SYDE2: variants seen among roughly 807,000 people sequenced by gnomAD.
SYDE2 encodes synapse defective Rho GTPase homolog 2.
In SYDE2, 76 loss-of-function variants were observed where a neutral mutation model predicts 91.5. The observed-to-expected ratio is 0.83, with a 90% CI of 0.69 to 1.01. The LOEUF (loss-of-function observed/expected upper bound fraction) is 1.01. SYDE2 is among the 50% of genes least tolerant of loss of function. The probability of loss-of-function intolerance (pLI) is 0.00; values close to 1 mark genes in which losing one functional copy is unlikely to be tolerated. For synonymous variants in SYDE2, 513 were observed against 506.4 expected, an observed-to-expected ratio of 1.01 and a Z score of -0.18; for missense variants, 1,364 against 1,367.7, an observed-to-expected ratio of 1.00 and a Z score of 0.04.
In SYDE2 at chr1:85,182,667, C is replaced by A. The variant is rs759312339; in HGVS notation, c.1975G>T (p.Asp659Tyr). The change falls in exon 3 of 7, where the codon GAC becomes TAC. Residue 659 changes from aspartate (D) to tyrosine (Y), a missense_variant. By Grantham distance (160) the Asp-to-Tyr change is radical. Transcript: ENST00000341460. ...CTATAATGCCTAAAAGCATCAATGT[C>A]TATTTCATTCTTGCTACAACTATTT... ...ISNSCSKNEIDIDAFRHYSFS... is the reference protein window; with the variant it reads ...ISNSCSKNEIYIDAFRHYSFS... The A allele has an allele frequency of 3.1e-6, 5 of 1,613,632 alleles. No homozygotes were observed. The highest frequency in any genetic ancestry group is 2.2e-5 in the South Asian group (2 of 91,084).
chr1:85,163,480 T>TATATATATATATATAA (rs1216698478), intron 6 of SYDE2, among the ~76,000 whole-genome samples: 29 of 134,634 alleles, frequency 2.2e-4, no homozygotes, highest in African/African-American at 8.6e-4. Flanking sequence ...TATATATATA[T>TATATATATATATATAA]AACAAAAGAG....
At chr1:85,162,006 T>C (rs777327805) in intron 6 of SYDE2, among the ~76,000 whole-genome samples, 18 of 152,152 alleles carry the variant, frequency 1.2e-4, no homozygotes, top group African/African-American at 2.2e-4. Context: ...CAAAGAACCC[T>C]AGAGCTTAGT....
At chr1:85,177,204 T>C (rs1053686121) in intron 4 of SYDE2, among the ~76,000 whole-genome samples, 2 of 152,156 alleles carry the variant, frequency 1.3e-5, no homozygotes, top group African/African-American at 4.8e-5. Context: ...TGCAACACTT[T>C]ACTACACATA....
intron 1 of SYDE2, among the ~76,000 whole-genome samples, chr1:85,197,812 G>A (rs1222511614): frequency 2.0e-5 from 3 of 151,852 alleles, no homozygotes; most frequent in African/African-American, 7.3e-5. Flanking sequence ...CCACCACCAC[G>A]CCCGGCTAAT....
At chr1:85,164,849 A>C in intron 5 of SYDE2, 92 bp from the exon 6 acceptor site, 1 of 749,250 alleles carries the variant, frequency 1.3e-6, no homozygotes, top group Non-Finnish European at 1.9e-6. Context: ...GCATCTTGTC[A>C]CTTTTAAAAG....
intron 4 of SYDE2, among the ~76,000 whole-genome samples, chr1:85,177,456 C>T (rs1657743666): frequency 6.6e-6 from 1 of 152,078 alleles, no homozygotes; most frequent in Admixed American, 6.5e-5. Context: ...TTGACACTTC[C>T]CCACCAAAAG....
At chr1:85,156,865 G>A (rs1048548966), downstream of SYDE2, 15 of 151,882 alleles carry the variant, frequency 9.9e-5, no homozygotes, top group African/African-American at 2.4e-4. Flanking sequence ...AGCATAACAC[G>A]AAGATTATAA....
At chr1:85,156,497 C>T (rs1656885638), downstream of SYDE2, among the ~76,000 whole-genome samples, 1 of 151,916 alleles carries the variant, frequency 6.6e-6, no homozygotes, top group Non-Finnish European at 1.5e-5. Flanking sequence ...TATAAAAACT[C>T]GCAAAAAATA....
At chr1:85,199,814 T>C (rs779607168) in intron 1 of SYDE2, among the ~76,000 whole-genome samples, 42 of 152,040 alleles carry the variant, frequency 2.8e-4, no homozygotes, top group Admixed American at 9.8e-4. Context: ...TGACAGTTTA[T>C]GAAGCCTATA....
intron 5 of SYDE2, among the ~76,000 whole-genome samples, chr1:85,166,352 A>AATTT (rs976086675): frequency 4.9e-5 from 7 of 144,276 alleles, no homozygotes; most frequent in African/African-American, 1.8e-4. Flanking sequence ...AAAAAAAAAA[A>AATTT]TTTTTTTTTT....
At chr1:85,177,433 T>A (rs1286612552) in intron 4 of SYDE2, among the ~76,000 whole-genome samples, 1 of 152,088 alleles carries the variant, frequency 6.6e-6, no homozygotes, top group East Asian at 1.9e-4. Context: ...CAAAGCCCAA[T>A]TCATAATCTT....
intron 2 of SYDE2, among the ~76,000 whole-genome samples, chr1:85,183,465 C>T (rs1040400675): frequency 6.6e-6 from 1 of 152,024 alleles, no homozygotes; most frequent in Non-Finnish European, 1.5e-5. Flanking sequence ...AACCTCACAT[C>T]AAAAGCTAAT....
rs1358362567 is a variant in SYDE2 at position 85,178,194 on chromosome 1, C to T, written c.2623G>A (p.Ala875Thr). ...LREAFERDSKAVGLCENQYPD... is the reference protein window; with the variant it reads ...LREAFERDSKTVGLCENQYPD... The stretch of plus-strand genomic sequence containing the variant: ...TACTGGTTTTCACACAGACCAACAG[C>T]TTTGCTATCTCTCTCAAAAGCCTCT... Residue 875 changes from alanine (A) to threonine (T), a missense_variant, in exon 4 of 7, where the codon GCT becomes ACT. Transcript: ENST00000341460. 3 of 1,586,334 alleles carry T rather than the reference C, an allele frequency of 1.9e-6. No individual in the cohort carries two copies. The highest frequency in any genetic ancestry group is 8.6e-7 in the Non-Finnish European group (1 of 1,165,086).
chr1:85,169,357 A>C (rs986808269), intron 4 of SYDE2, 132 bp from the exon 5 acceptor site: 11 of 611,562 alleles, frequency 1.8e-5, no homozygotes, highest in Admixed American at 3.4e-5. Context: ...CAACAACATA[A>C]AAAGAATTAT....
downstream of SYDE2, among the ~76,000 whole-genome samples, chr1:85,154,684 A>T (rs1483851333): frequency 6.6e-6 from 1 of 151,738 alleles, no homozygotes; most frequent in Non-Finnish European, 1.5e-5. Context: ...AGATTCTTTT[A>T]GCTCCTGCTT....
chr1:85,178,786 G>A (rs1657806300), intron 3 of SYDE2, among the ~76,000 whole-genome samples: 1 of 151,082 alleles, frequency 6.6e-6, no homozygotes, highest in Admixed American at 6.6e-5. Context: ...TAAGAAAAAA[G>A]ATTCTCAGGA....
At chr1:85,173,201 G>A (rs1013948661) in intron 4 of SYDE2, among the ~76,000 whole-genome samples, 1 of 152,156 alleles carries the variant, frequency 6.6e-6, no homozygotes. Flanking sequence ...CTTATAAAAT[G>A]GGGGACACAG....
chr1:85,200,819 A>G lies in SYDE2; in HGVS notation c.178T>C (p.Ser60Pro). 1 of 1,430,454 alleles carries G rather than the reference A, an allele frequency of 7.0e-7. No individual in the cohort carries two copies. Among genetic ancestry groups the G allele is most frequent in the Non-Finnish European group, 9.1e-7 (1 of 1,100,174 alleles). The allele number at this position is 1,430,454 out of a possible 1,614,324, so 88.6% of individuals were successfully genotyped here. A position where few individuals can be genotyped will look rare whatever the true frequency, so the allele number is the denominator to read the frequency against. ...TCCCTCTGAGGCGACCGGGGCGGGG[A>G]CACCTGCTGCCGAGGGCGTCCGCCG... ...GGGGRPRQQV[S>P]PPRSPQREPR... Residue 60 changes from serine to proline, a missense_variant, in exon 1 of 7, where the codon TCC (serine) becomes CCC (proline). Coordinates refer to ENST00000341460, the MANE Select transcript of SYDE2 (RefSeq NM_032184.2).
Position 85,158,451 on chromosome 1 carries a change from G to T in SYDE2, c.*299C>A, listed in dbSNP as rs1032803283. 8 of 254,516 alleles carry T rather than the reference G, an allele frequency of 3.1e-5. No individual in the cohort carries two copies. Among genetic ancestry groups the T allele is most frequent in the Non-Finnish European group, 5.8e-5 (8 of 137,102 alleles). The allele number at this position is 254,516 out of a possible 1,614,324, so 15.8% of individuals were successfully genotyped here. On this transcript the variant is annotated 3_prime_UTR_variant, in exon 7 of 7. Coordinates refer to ENST00000341460, the MANE Select transcript of SYDE2 (RefSeq NM_032184.2). ...CCCATAAAGCAGAAAAACCTTGAGG[G>T]GCTAATAACTTATGTGAACCTTCTT... is the stretch of plus-strand genomic sequence containing the variant.
Sources: allele counts gnomAD v4.1 joint callset (sites outside exome capture counted in the v4.1 genomes callset), GRCh38; gene constraint gnomAD v4.1.1; transcripts MANE v1.5; gene names NCBI Gene and HGNC (gene_info 2026-07-23, HGNC 2026-07-21).